ATG5: variants seen among roughly 807,000 people sequenced by gnomAD.
ATG5 encodes the protein autophagy related 5, also known as autophagy protein 5.
In ATG5, 14 loss-of-function variants were observed where a neutral mutation model predicts 36.5. The observed-to-expected ratio is 0.38, with a 90% CI of 0.25 to 0.60. The LOEUF (loss-of-function observed/expected upper bound fraction) is 0.60. Among genes scored for constraint, ATG5 ranks in the 20% least tolerant of loss-of-function variants. The pLI is 0.60. For missense variants in ATG5, 195 were observed against 326.7 expected (o/e 0.60, Z 3.11); for synonymous variants, 95 against 101.5 (o/e 0.94, Z 0.38).
At chr6:106,272,087 C>T (rs116941151) in intron 5 of ATG5, among the ~76,000 whole-genome samples, 3 of 152,306 alleles carry the variant, frequency 2.0e-5, no homozygotes, top group East Asian at 3.9e-4. Flanking sequence ...TTCTCATCTT[C>T]CTTTGCTTTT....
intron 5 of ATG5, among the ~76,000 whole-genome samples, chr6:106,276,091 A>T (rs1779633475): frequency 6.6e-6 from 1 of 152,216 alleles, no homozygotes; most frequent in African/African-American, 2.4e-5. Flanking sequence ...AAATACTTTC[A>T]CACAAACTGT....
intron 5 of ATG5, among the ~76,000 whole-genome samples, chr6:106,265,062 T>A (rs1779174651): frequency 6.7e-6 from 1 of 149,910 alleles, no homozygotes; most frequent in South Asian, 2.1e-4. Context: ...GGATAAAGCG[T>A]CAAGACCCAT....
intron 1 of ATG5, among the ~76,000 whole-genome samples, chr6:106,320,468 T>A (rs1008130468): frequency 1.3e-5 from 2 of 152,124 alleles, no homozygotes; most frequent in Non-Finnish European, 2.9e-5. Context: ...AAGGAAATTT[T>A]GGGTTGAGAG....
At chr6:106,244,465 C>T (rs187541041) in intron 6 of ATG5, among the ~76,000 whole-genome samples, 1 of 152,196 alleles carries the variant, frequency 6.6e-6, no homozygotes, top group African/African-American at 2.4e-5. Flanking sequence ...ACAACGTCCC[C>T]CTTTGCCTAC....
intron 7 of ATG5, among the ~76,000 whole-genome samples, chr6:106,200,210 G>A (rs1267363792): frequency 6.6e-6 from 1 of 152,044 alleles, no homozygotes; most frequent in Non-Finnish European, 1.5e-5. Context: ...CATTTAGGCT[G>A]GAATACCACA....
At chr6:106,295,207 G>A (rs564212043) in intron 3 of ATG5, among the ~76,000 whole-genome samples, 23 of 152,086 alleles carry the variant, frequency 1.5e-4, no homozygotes, top group African/African-American at 4.3e-4. Context: ...ACCTTTTAAC[G>A]TCTTCAATTT....
At chr6:106,306,071 CA>C (rs1364957017) in intron 3 of ATG5, among the ~76,000 whole-genome samples, 1 of 152,298 alleles carries the variant, frequency 6.6e-6, no homozygotes, top group Non-Finnish European at 1.5e-5. Context: ...TTAACACCCC[CA>C]AAACTACCAT....
At chr6:106,220,926 C>T (rs1408688292) in intron 6 of ATG5, among the ~76,000 whole-genome samples, 1 of 152,140 alleles carries the variant, frequency 6.6e-6, no homozygotes, top group African/African-American at 2.4e-5. Flanking sequence ...AAGTAAAATG[C>T]ACTAATGACA....
chr6:106,254,676 A>G (rs1778733401), intron 5 of ATG5, among the ~76,000 whole-genome samples: 1 of 152,340 alleles, frequency 6.6e-6, no homozygotes, highest in Admixed American at 6.5e-5. Context: ...TAAGTGCTAC[A>G]TAAGTGTTTC....
At chr6:106,303,016 G>C (rs1041381302) in intron 3 of ATG5, among the ~76,000 whole-genome samples, 4 of 151,468 alleles carry the variant, frequency 2.6e-5, no homozygotes, top group Non-Finnish European at 5.9e-5. Flanking sequence ...AAGAAATTAA[G>C]GTAAGAGCTC....
chr6:106,235,061 G>A (rs1289404097), intron 6 of ATG5, among the ~76,000 whole-genome samples: 2 of 152,144 alleles, frequency 1.3e-5, no homozygotes, highest in Non-Finnish European at 2.9e-5. Flanking sequence ...GAAGAAATTC[G>A]AGATTGAATA....
intron 6 of ATG5, among the ~76,000 whole-genome samples, chr6:106,228,039 C>G (rs1360670062): frequency 6.6e-6 from 1 of 152,168 alleles, no homozygotes; most frequent in Non-Finnish European, 1.5e-5. Context: ...GGGGCTTAAA[C>G]TGATTATTTT....
rs150479393 is a variant in ATG5 at position 106,291,489 on chromosome 6, A to G, written c.315+1539T>C. Among the ~76,000 whole-genome samples, 444 of 152,336 alleles carry G rather than the reference A, an allele frequency of 2.9e-3. 2 individuals carry two copies. Among genetic ancestry groups the G allele is most frequent in the African/African-American group, 1.0e-2 (415 of 41,568 alleles). On this transcript the variant is annotated intron_variant, in intron 4 of 7. Transcript: ENST00000369076. ...TTATTATATCATGGAAACAGATTTGACCTGATGAATCCATTGAAAGGGTTT... is the reference window on the plus strand; with the variant it reads ...TTATTATATCATGGAAACAGATTTGGCCTGATGAATCCATTGAAAGGGTTT...
chr6:106,188,705 C>A (rs1479006430), intron 7 of ATG5, among the ~76,000 whole-genome samples: 1 of 152,148 alleles, frequency 6.6e-6, no homozygotes, highest in African/African-American at 2.4e-5. Context: ...CTTACCCAAA[C>A]CCTGAATAAG....
At chr6:106,230,474 A>G (rs1294198920) in intron 6 of ATG5, among the ~76,000 whole-genome samples, 1 of 152,186 alleles carries the variant, frequency 6.6e-6, no homozygotes, top group Non-Finnish European at 1.5e-5. Context: ...CTTTGTGATC[A>G]AGAAAGGCGG....
Position 106,201,986 on chromosome 6 carries a change from G to A in ATG5, c.677C>T (p.Ala226Val). 1 of 1,610,148 alleles carries A rather than the reference G, an allele frequency of 6.2e-7. No homozygotes were observed. The highest frequency in any genetic ancestry group is 1.3e-5 in the African/African-American group (1 of 74,936). ...GATTGTATTACCTTCAGGATCAATA[G>A]CAGAAGGACAAACTTCTTTGAGGAG... ...GDLLKEVCPS[A>V]IDPEDGEKKN... Residue 226 changes from alanine (A) to valine (V), a missense_variant, in exon 7 of 8, where the codon GCT becomes GTT. Transcript: ENST00000369076.
At chr6:106,218,212 G>A (rs1393794145) in intron 6 of ATG5, among the ~76,000 whole-genome samples, 1 of 152,020 alleles carries the variant, frequency 6.6e-6, no homozygotes, top group Admixed American at 6.6e-5. Flanking sequence ...TTCAGAACCA[G>A]GTCTTAAAAG....
intron 5 of ATG5, among the ~76,000 whole-genome samples, chr6:106,264,699 A>G (rs541427098): frequency 6.6e-6 from 1 of 152,326 alleles, no homozygotes; most frequent in Admixed American, 6.5e-5. Context: ...CAACATTCTT[A>G]AAGAAAAGAA....
At chr6:106,240,697 A>G (rs537916924) in intron 6 of ATG5, among the ~76,000 whole-genome samples, 203 of 152,210 alleles carry the variant, frequency 1.3e-3, no homozygotes, top group African/African-American at 4.8e-3. Flanking sequence ...CTTTTGATGC[A>G]AAAACTCATT....
Sources: allele counts gnomAD v4.1 joint callset (sites outside exome capture counted in the v4.1 genomes callset), GRCh38; gene constraint gnomAD v4.1.1; transcripts MANE v1.5; gene names NCBI Gene and HGNC (gene_info 2026-07-23, HGNC 2026-07-21).